U2SURP: variants seen among roughly 807,000 people sequenced by gnomAD.
U2SURP encodes the protein U2 snRNP associated SURP domain containing.
A neutral mutation model predicts 144.9 loss-of-function variants in U2SURP; 9 were observed. The ratio of observed to expected loss-of-function variants is 0.06; its 90% CI spans 0.04 to 0.11. U2SURP has a LOEUF of 0.11. U2SURP is among the 10% of genes least tolerant of loss of function. The pLI, the probability that U2SURP is intolerant of heterozygous loss-of-function variation, is 1.00. For missense variants in U2SURP, 724 were observed against 1,226.7 expected (o/e 0.59, Z 6.12); for synonymous variants, 408 against 396.8 (o/e 1.03, Z -0.33).
rs79667320 is a variant in U2SURP at position 143,035,936 on chromosome 3, A to G, written c.1942-46A>G. On this transcript the variant is annotated intron_variant, in intron 19 of 27. Coordinates refer to ENST00000473835, the MANE Select transcript of U2SURP (RefSeq NM_001080415.2). ...ATTCTCATGAACTGAAATTTGAGAC[A>G]TATAGCCCAAAATAAAAGTTTGTTG... The G allele has an allele frequency of 1.7e-4, 256 of 1,551,462 alleles. 2 individuals carry two copies. In the East Asian group the frequency reaches 5.6e-3, roughly 34 times the overall value.
intron 1 of U2SURP, among the ~76,000 whole-genome samples, chr3:143,007,481 T>G (rs1466667047): frequency 6.8e-6 from 1 of 147,242 alleles, no homozygotes; most frequent in Non-Finnish European, 1.5e-5. Flanking sequence ...AGTCTCGCTC[T>G]GTCGCCCAGG....
Position 143,056,602 on chromosome 3 carries a change from G to A in U2SURP, c.*152G>A. 2 of 769,518 alleles carry A rather than the reference G, an allele frequency of 2.6e-6. No individual in the cohort carries two copies. Among genetic ancestry groups the A allele is most frequent in the Non-Finnish European group, 4.1e-6 (2 of 491,858 alleles). The allele number at this position is 769,518 out of a possible 1,614,324, so 47.7% of individuals were successfully genotyped here. A position where few individuals can be genotyped will look rare whatever the true frequency, so the allele number is the denominator to read the frequency against. On this transcript the variant is annotated 3_prime_UTR_variant, in exon 28 of 28. Coordinates refer to ENST00000473835, the MANE Select transcript of U2SURP (RefSeq NM_001080415.2). The stretch of plus-strand genomic sequence containing the variant: ...TGCATGTGTAAACTCATGAGCAACT[G>A]CATCTGTAGATCTGTCATTGTTTTA...
At chr3:143,044,049 G>A (rs1002315045) in intron 24 of U2SURP, among the ~76,000 whole-genome samples, 10 of 151,822 alleles carry the variant, frequency 6.6e-5, no homozygotes, top group East Asian at 1.9e-4. Context: ...CACCACACCC[G>A]GCAAGAAATC....
Position 143,058,148 on chromosome 3 carries a change from C to T in U2SURP, c.*1698C>T, listed in dbSNP as rs1398732836. ...AAGTAACATGTTTTTCTCCCCTGCTCATTGCCTGGGAGAATGGAATTTTAT... is the reference window on the plus strand; with the variant it reads ...AAGTAACATGTTTTTCTCCCCTGCTTATTGCCTGGGAGAATGGAATTTTAT... On this transcript the variant is annotated 3_prime_UTR_variant, in exon 28 of 28. Transcript: ENST00000473835. The T allele has an allele frequency of 6.6e-6, 1 of 152,380 alleles. No individual in the cohort carries two copies. The highest frequency in any genetic ancestry group is 1.5e-5 in the Non-Finnish European group (1 of 67,846). The allele number at this position is 152,380 out of a possible 1,614,324, so 9.4% of individuals were successfully genotyped here.
chr3:143,026,069 T>G (rs1010040433), intron 13 of U2SURP: 1 of 151,766 alleles, frequency 6.6e-6, no homozygotes, highest in African/African-American at 2.4e-5. Flanking sequence ...CTTTTCCCAA[T>G]TGTTATTTGC....
chr3:143,014,365 A>G lies in U2SURP; in HGVS notation c.277A>G (p.Lys93Glu), dbSNP rs1487823946. The G allele has an allele frequency of 6.2e-7, 1 of 1,609,784 alleles. No individual in the cohort carries two copies. The highest frequency in any genetic ancestry group is 8.5e-7 in the Non-Finnish European group (1 of 1,177,778). ...AFSIGKMSTA[K>E]RTLSKKEQEE... ...CAGTATTGGAAAAATGAGTACAGCT[A>G]AGCGAACTTTAAGTAAAAAGGAACA... The change falls in exon 4 of 28, where the codon AAG becomes GAG. Residue 93 changes from lysine to glutamate, a missense_variant. This residue lies in a region of U2SURP where 115 missense variants were observed against 258.1 expected (regional missense o/e 0.45). Coordinates refer to ENST00000473835, the MANE Select transcript of U2SURP (RefSeq NM_001080415.2).
intron 12 of U2SURP, among the ~76,000 whole-genome samples, chr3:143,023,571 G>A (rs1037053428): frequency 6.6e-6 from 1 of 152,090 alleles, no homozygotes; most frequent in Non-Finnish European, 1.5e-5. Context: ...ATAAGAATTC[G>A]TTGGTTCTAT....
intron 22 of U2SURP, among the ~76,000 whole-genome samples, chr3:143,038,601 C>T (rs945691875): frequency 6.6e-6 from 1 of 151,960 alleles, no homozygotes; most frequent in Admixed American, 6.6e-5. Flanking sequence ...GACCTGTATC[C>T]TAGTGCTAAT....
chr3:143,060,124 A>G lies in U2SURP; in HGVS notation c.*3674A>G, dbSNP rs1429313263. 1 of 152,416 alleles carries G rather than the reference A, an allele frequency of 6.6e-6. No individual in the cohort carries two copies. Among genetic ancestry groups the G allele is most frequent in the Non-Finnish European group, 1.5e-5 (1 of 67,896 alleles). 9.4% of individuals were successfully genotyped at this position (152,416 alleles called of 1,614,324 possible). On this transcript the variant is annotated 3_prime_UTR_variant, in exon 28 of 28. Transcript: ENST00000473835. ...TGGAGCTTCAATGTAAATGGATTAT[A>G]TGTATAATTGGTAATTTGTATAGTT...
At position 143,010,876 on chromosome 3, in the gene U2SURP, A is replaced by C. The variant is rs753952198; in HGVS notation, c.90+17A>C. The C allele has an allele frequency of 2.5e-6, 4 of 1,592,126 alleles. No homozygotes were observed. Among genetic ancestry groups the C allele is most frequent in the Non-Finnish European group, 3.4e-6 (4 of 1,168,450 alleles). Reference sequence around the variant, plus strand: ...GATGCACATGTGAGTATAGAAGGCAATCTTTGTCTTTTTTCCTTTAAAATT... The same window carrying C: ...GATGCACATGTGAGTATAGAAGGCACTCTTTGTCTTTTTTCCTTTAAAATT... On this transcript the variant is annotated intron_variant, in intron 2 of 27. Coordinates refer to ENST00000473835, the MANE Select transcript of U2SURP (RefSeq NM_001080415.2).
intron 6 of U2SURP, among the ~76,000 whole-genome samples, chr3:143,017,759 A>G (rs1383556586): frequency 2.6e-5 from 4 of 152,044 alleles, no homozygotes; most frequent in African/African-American, 9.7e-5. Context: ...AGCTGGGACT[A>G]CAGGCAATGT....
In U2SURP at chr3:143,035,848, T is replaced by G. The variant is rs1377033528; in HGVS notation, c.1942-134T>G. 4 of 901,166 alleles carry G rather than the reference T, an allele frequency of 4.4e-6. No homozygotes were observed. The Admixed American group carries it at 1.5e-4, about 33-fold the overall frequency. 55.8% of individuals were successfully genotyped at this position (901,166 alleles called of 1,614,324 possible). The stretch of plus-strand genomic sequence containing the variant: ...TAAAAAATATGGTAATGATATATAG[T>G]TATTTTCTTTAAAGTTTAAAAAAAC... On this transcript the variant is annotated intron_variant, in intron 19 of 27. Coordinates refer to ENST00000473835, the MANE Select transcript of U2SURP (RefSeq NM_001080415.2).
Position 143,053,712 on chromosome 3 carries a change from G to A in U2SURP, c.2692G>A (p.Asp898Asn), listed in dbSNP as rs370060610. The change falls in exon 26 of 28, where the codon GAC (aspartate) becomes AAC (asparagine). Residue 898 changes from aspartate (D) to asparagine (N), a missense_variant. Physicochemically the swap from Asp to Asn is conservative, Grantham distance 23. Transcript: ENST00000473835. ...AGAGTTAGAAAGAGAACGAGAAAGA[G>A]ACAAGAAAGATAAAGAAAAATTGGA... Reference protein sequence around the residue: ...EKELERERERDKKDKEKLESR... With the variant: ...EKELERERERNKKDKEKLESR... The A allele has an allele frequency of 5.7e-6, 9 of 1,582,332 alleles. No homozygotes were observed. Among genetic ancestry groups the A allele is most frequent in the Non-Finnish European group, 6.1e-6 (7 of 1,156,190 alleles).
At chr3:143,050,812 C>T (rs532490381) in intron 24 of U2SURP, 127 bp from the exon 25 acceptor site, 12 of 595,090 alleles carry the variant, frequency 2.0e-5, no homozygotes, top group Admixed American at 9.3e-5. Flanking sequence ...GACAAGTGGC[C>T]TTCAGGTGAG....
chr3:143,034,273 G>C (rs1321933770), intron 18 of U2SURP, among the ~76,000 whole-genome samples: 1 of 152,066 alleles, frequency 6.6e-6, no homozygotes, highest in Non-Finnish European at 1.5e-5. Context: ...GCGTGGTGGT[G>C]TGCCTCTGTA....
chr3:143,056,178 T>C, intron 27 of U2SURP, 134 bp from the exon 28 acceptor site: 1 of 892,236 alleles, frequency 1.1e-6, no homozygotes, highest in Non-Finnish European at 1.7e-6. Flanking sequence ...GAGTTTAAAT[T>C]TTAGAAGTTC....
At chr3:143,019,530 G>A (rs1018874387) in intron 6 of U2SURP, among the ~76,000 whole-genome samples, 3 of 152,180 alleles carry the variant, frequency 2.0e-5, no homozygotes, top group Admixed American at 1.3e-4. Context: ...ACCATTTGTT[G>A]AAAAGATTAT....
intron 13 of U2SURP, chr3:143,025,929 A>G (rs986427329): frequency 6.6e-6 from 1 of 152,154 alleles, no homozygotes; most frequent in Non-Finnish European, 1.5e-5. Context: ...TTATAGAGCC[A>G]CAAAAGTCTG....
intron 1 of U2SURP, among the ~76,000 whole-genome samples, chr3:143,003,996 C>T (rs996210790): frequency 2.6e-5 from 4 of 151,998 alleles, no homozygotes; most frequent in Non-Finnish European, 4.4e-5. Context: ...CGCCCTGCTT[C>T]CCTGCTTTTT....
Sources: gnomAD v4.1 joint callset for allele counts (sites outside exome capture counted in the v4.1 genomes callset) on GRCh38, gnomAD v4.1.1 for gene constraint, gnomAD v4.1.1 regional missense constraint, MANE v1.5 for transcripts, NCBI Gene and HGNC (gene_info 2026-07-23, HGNC 2026-07-21) for gene names.